Variants in HIPK4 observed in about 807,000 individuals in gnomAD.
HIPK4 encodes homeodomain-interacting protein kinase 4.
In HIPK4, 26 loss-of-function variants were observed where a neutral mutation model predicts 44.8. The observed-to-expected ratio is 0.58, with a 90% CI of 0.43 to 0.80. The LOEUF is 0.80. Ranked by LOEUF, HIPK4 falls within the 30% of genes least tolerant of loss-of-function variation. The pLI is 0.00. For missense variants in HIPK4, 729 were observed against 862.6 expected, an observed-to-expected ratio of 0.85 and a Z score of 1.94; for synonymous variants, 340 against 355.5, an observed-to-expected ratio of 0.96 and a Z score of 0.49.
In HIPK4 at chr19:40,380,501, G is replaced by C; in HGVS notation, c.1490C>G (p.Ser497Cys). 1.2e-6 allele frequency: 2 copies of C among 1,612,742 alleles called. No individual in the cohort carries two copies. The highest frequency in any genetic ancestry group is 1.7e-6 in the Non-Finnish European group (2 of 1,179,958). The change falls in exon 3 of 4, where the codon TCC (serine) becomes TGC (cysteine). Residue 497 changes from serine (S) to cysteine (C), a missense_variant. Coordinates refer to ENST00000291823, the MANE Select transcript of HIPK4 (RefSeq NM_144685.5). This position sits in a 1 kb window ranked among gnomAD's most constrained non-coding sequence, Gnocchi z 4.2. The stretch of plus-strand genomic sequence containing the variant: ...AATGAGGTTGCTGAAGTTGGAGTCG[G>C]ACTTGGAACCCGCAGGTGGCTTGCG... ...KARKPPAGSK[S>C]DSNFSNLIRL...
chr19:40,389,860 C>T lies in HIPK4; in HGVS notation c.43G>A (p.Glu15Lys), dbSNP rs377107606. The T allele has an allele frequency of 2.8e-5, 45 of 1,612,378 alleles. No homozygotes were observed. The highest frequency in any genetic ancestry group is 3.2e-5 in the Non-Finnish European group (38 of 1,180,020). The change falls in exon 1 of 4, where the codon GAG (glutamate) becomes AAG (lysine). Residue 15 changes from glutamate to lysine, a missense_variant. Physicochemically the swap from Glu to Lys is moderately conservative, Grantham distance 56. Coordinates refer to ENST00000291823, the MANE Select transcript of HIPK4 (RefSeq NM_144685.5). This position sits in a 1 kb window ranked among gnomAD's most constrained non-coding sequence, Gnocchi z 4.6. The part of the protein sequence containing the change: ...QSETDCYDII[E>K]VLGKGTFGEV... ...CCGAAGGTCCCCTTGCCCAAGACCT[C>T]GATGATGTCGTAGCAGTCAGTCTCC...
intron 1 of HIPK4, among the ~76,000 whole-genome samples, chr19:40,388,961 A>G (rs2079375122): frequency 6.6e-6 from 1 of 151,996 alleles, no homozygotes; most frequent in African/African-American, 2.4e-5. Context: ...AGGCAGGTGG[A>G]TCACAAGGTC....
In HIPK4 at chr19:40,380,977, G is replaced by A. The variant is rs985974580; in HGVS notation, c.1014C>T (p.Pro338=). The A allele has an allele frequency of 6.2e-7, 1 of 1,613,018 alleles. No individual in the cohort carries two copies. ...CGAAGGGGTGGCGCAGGGCAGCACT[G>A]GGGCTGATGCGTTCGTGTGACTCCC... is the stretch of plus-strand genomic sequence containing the variant. ...LTWESHERIS[P]SAALRHPFVS... Residue 338 remains proline, a synonymous_variant, in exon 3 of 4, where the codon CCC becomes CCT. Transcript: ENST00000291823. This position sits in a 1 kb window ranked among gnomAD's most constrained non-coding sequence, Gnocchi z 4.2.
chr19:40,383,748 C>T (rs761528252), intron 2 of HIPK4, 35 bp downstream of exon 2: 2 of 1,533,260 alleles, frequency 1.3e-6, no homozygotes, highest in Non-Finnish European at 1.8e-6. Context: ...GTAACAGCCC[C>T]CACACTGACT....
In HIPK4 at chr19:40,380,629, C is replaced by T; in HGVS notation, c.1362G>A (p.Met454Ile). Reference sequence around the variant, plus strand: ...CAGTGATGGCTGCCTTGAGGGGGACCATCATGTCGGAGACCGCATTGGTGC... The same window carrying T: ...CAGTGATGGCTGCCTTGAGGGGGACTATCATGTCGGAGACCGCATTGGTGC... Reference protein sequence around the residue: ...ETCTNAVSDMMVPLKAAITGH... With the variant: ...ETCTNAVSDMIVPLKAAITGH... The change falls in exon 3 of 4, where the codon ATG becomes ATA. Residue 454 changes from methionine (M) to isoleucine (I), a missense_variant. By Grantham distance (10) the Met-to-Ile change is conservative. This residue lies in a region of HIPK4 where 533 missense variants were observed against 567.5 expected (regional missense o/e 0.94). Transcript: ENST00000291823. This position sits in a 1 kb window ranked among gnomAD's most constrained non-coding sequence, Gnocchi z 4.2. 1.9e-6 allele frequency: 3 copies of T among 1,613,738 alleles called. No homozygotes were observed. The highest frequency in any genetic ancestry group is 1.7e-5 in the Admixed American group (1 of 60,032).
chr19:40,384,095 G>A lies in HIPK4; in HGVS notation c.510C>T (p.Tyr170=), dbSNP rs138984314. 244 of 1,602,432 alleles carry A rather than the reference G, an allele frequency of 1.5e-4. No individual in the cohort carries two copies. In the East Asian group the frequency reaches 3.3e-3, roughly 22 times the overall value. Reference sequence around the variant, plus strand: ...GCGACTGGATGTATGGCTCCTTCACGTAGCGCACCTCGCTGAAAATGCTGG... The same window carrying A: ...GCGACTGGATGTATGGCTCCTTCACATAGCGCACCTCGCTGAAAATGCTGG... ...GSASIFSEVR[Y]VKEPYIQSRF... Residue 170 remains tyrosine, a synonymous_variant, in exon 2 of 4, where the codon TAC becomes TAT. Coordinates refer to ENST00000291823, the MANE Select transcript of HIPK4 (RefSeq NM_144685.5).
At position 40,389,800 on chromosome 19, in the gene HIPK4, C is replaced by T. The variant is rs748573312; in HGVS notation, c.103G>A (p.Glu35Lys). The stretch of plus-strand genomic sequence containing the variant: ...TTGAGGATCTTGATGGCCACCATCT[C>T]GCCCGTGCTCCGCCGCCAGCCCTTG... ...VAKGWRRSTG[E>K]MVAIKILKND... Residue 35 changes from glutamate to lysine, a missense_variant, in exon 1 of 4, where the codon GAG becomes AAG. This residue lies in a region of HIPK4 where 196 missense variants were observed against 295.1 expected (regional missense o/e 0.66). Coordinates refer to ENST00000291823, the MANE Select transcript of HIPK4 (RefSeq NM_144685.5). This position sits in a 1 kb window ranked among gnomAD's most constrained non-coding sequence, Gnocchi z 4.6. 1.4e-5 allele frequency: 22 copies of T among 1,613,978 alleles called. No homozygotes were observed. The highest frequency in any genetic ancestry group is 1.6e-4 in the Middle Eastern group (1 of 6,084).
chr19:40,384,612 GTTT>G (rs71171565), intron 1 of HIPK4, among the ~76,000 whole-genome samples: 7 of 119,120 alleles, frequency 5.9e-5, no homozygotes, highest in Non-Finnish European at 5.3e-5. Context: ...GCCTTTGTTG[GTTT>G]TTTTTTTTTT....
Position 40,380,608 on chromosome 19 carries a change from G to T in HIPK4, c.1383C>A (p.Ile461=). Residue 461 remains isoleucine, a synonymous_variant, in exon 3 of 4, where the codon ATC becomes ATA. Transcript: ENST00000291823. This position sits in a 1 kb window ranked among gnomAD's most constrained non-coding sequence, Gnocchi z 4.2. ...CCGAGTCGGGCACATGGTGGCCAGT[G>T]ATGGCTGCCTTGAGGGGGACCATCA... ...SDMMVPLKAA[I]TGHHVPDSGP... is the part of the protein sequence containing the mutation. 1 of 1,613,396 alleles carries T rather than the reference G, an allele frequency of 6.2e-7. No individual in the cohort carries two copies. Among genetic ancestry groups the T allele is most frequent in the Non-Finnish European group, 8.5e-7 (1 of 1,179,936 alleles).
At chr19:40,385,847 A>G (rs1406092772) in intron 1 of HIPK4, among the ~76,000 whole-genome samples, 1 of 150,966 alleles carries the variant, frequency 6.6e-6, no homozygotes, top group African/African-American at 2.4e-5. Flanking sequence ...AGCTGGGATT[A>G]CAGGTGCACA....
chr19:40,379,627 C>T lies in HIPK4; in HGVS notation c.1811G>A (p.Gly604Glu), dbSNP rs762749547. ...GACATGCTGGAGGAAGCTGGTGGCCCCCCGGGGTGGACCATGCTGGTGGGA... is the reference window on the plus strand; with the variant it reads ...GACATGCTGGAGGAAGCTGGTGGCCTCCCGGGGTGGACCATGCTGGTGGGA... ...RRSHQHGPPR[G>E]ATSFLQHVTG... The change falls in exon 4 of 4, where the codon GGG becomes GAG. Residue 604 changes from glycine to glutamate, a missense_variant. Physicochemically the swap from Gly to Glu is moderately conservative, Grantham distance 98 (BLOSUM62 -2). Coordinates refer to ENST00000291823, the MANE Select transcript of HIPK4 (RefSeq NM_144685.5). 1.3e-6 allele frequency: 2 copies of T among 1,550,418 alleles called. No homozygotes were observed. The highest frequency in any genetic ancestry group is 2.4e-5 in the East Asian group (1 of 40,834).
Position 40,380,629 on chromosome 19 carries a change from C to G in HIPK4, c.1362G>C (p.Met454Ile). 6.2e-7 allele frequency: 1 copy of G among 1,613,738 alleles called. No individual in the cohort carries two copies. Reference sequence around the variant, plus strand: ...CAGTGATGGCTGCCTTGAGGGGGACCATCATGTCGGAGACCGCATTGGTGC... The same window carrying G: ...CAGTGATGGCTGCCTTGAGGGGGACGATCATGTCGGAGACCGCATTGGTGC... ...ETCTNAVSDM[M>I]VPLKAAITGH... Residue 454 changes from methionine (M) to isoleucine (I), a missense_variant, in exon 3 of 4, where the codon ATG (methionine) becomes ATC (isoleucine). Transcript: ENST00000291823. This position sits in a 1 kb window ranked among gnomAD's most constrained non-coding sequence, Gnocchi z 4.2.
Position 40,384,034 on chromosome 19 carries a change from G to A in HIPK4, c.571C>T (p.Pro191Ser). 6.2e-7 allele frequency: 1 copy of A among 1,613,992 alleles called. No homozygotes were observed. The highest frequency in any genetic ancestry group is 8.5e-7 in the Non-Finnish European group (1 of 1,179,886). ...CACACGTCCACCTTCTCGCAGAAGG[G>A]CAGCCCCAGCAGGATCTCAGGGGCC... ...YRAPEILLGL[P>S]FCEKVDVWSL... The change falls in exon 2 of 4, where the codon CCC becomes TCC. Residue 191 changes from proline to serine, a missense_variant. This residue lies in a region of HIPK4 where 196 missense variants were observed against 295.1 expected (regional missense o/e 0.66). Transcript: ENST00000291823.
chr19:40,389,940 C>T lies in HIPK4; in HGVS notation c.-38G>A, dbSNP rs2079381305. On this transcript the variant is annotated 5_prime_UTR_variant, in exon 1 of 4. Transcript: ENST00000291823. This position sits in a 1 kb window ranked among gnomAD's most constrained non-coding sequence, Gnocchi z 4.6. The stretch of plus-strand genomic sequence containing the variant: ...GCCAGACACCGCCCTGCCCAGGCCC[C>T]TGTACCACTGGCTCTGCCGCCCAGG... The T allele has an allele frequency of 3.9e-6, 6 of 1,530,102 alleles. No individual in the cohort carries two copies. The highest frequency in any genetic ancestry group is 2.7e-5 in the African/African-American group (2 of 73,394). 94.8% of individuals were successfully genotyped at this position (1,530,102 alleles called of 1,614,324 possible).
intron 2 of HIPK4, among the ~76,000 whole-genome samples, chr19:40,381,874 C>T (rs538663002): frequency 4.6e-4 from 65 of 140,480 alleles, no homozygotes; most frequent in African/African-American, 1.6e-3. Context: ...GGTACAATCT[C>T]GGCTCACTGC....
In HIPK4 at chr19:40,383,872, C is replaced by T; in HGVS notation, c.733G>A (p.Ala245Thr). Reference sequence around the variant, plus strand: ...GGGTTGCGCTTGAAGAAGTGGTGGGCCTTGCAGGCGGCGTGCAACAGGTGT... The same window carrying T: ...GGGTTGCGCTTGAAGAAGTGGTGGGTCTTGCAGGCGGCGTGCAACAGGTGT... ...KPHLLHAACK[A>T]HHFFKRNPHP... Residue 245 changes from alanine to threonine, a missense_variant, in exon 2 of 4, where the codon GCC (alanine) becomes ACC (threonine). Ala to Thr is a moderately conservative substitution (Grantham distance 58, BLOSUM62 0). Coordinates refer to ENST00000291823, the MANE Select transcript of HIPK4 (RefSeq NM_144685.5). The T allele has an allele frequency of 6.2e-7, 1 of 1,614,166 alleles. No individual in the cohort carries two copies. The highest frequency in any genetic ancestry group is 8.5e-7 in the Non-Finnish European group (1 of 1,180,032).
chr19:40,388,915 G>A (rs2079374935), intron 1 of HIPK4, among the ~76,000 whole-genome samples: 1 of 152,234 alleles, frequency 6.6e-6, no homozygotes, highest in Admixed American at 6.5e-5. Flanking sequence ...TGGGCGTGGT[G>A]GCTCACGCCT....
rs754639958 is a variant in HIPK4 at position 40,389,629 on chromosome 19, G to T, written c.274C>A (p.Leu92Met). Residue 92 changes from leucine (L) to methionine (M), a missense_variant, in exon 1 of 4, where the codon CTG becomes ATG. By Grantham distance (15) the Leu-to-Met change is conservative. Transcript: ENST00000291823. The surrounding 1 kb of genome is among the most constrained non-coding windows in gnomAD (Gnocchi z 4.6). Reference protein sequence around the residue: ...ALKFYLVFELLEQNLFEFQKE... With the variant: ...ALKFYLVFELMEQNLFEFQKE... ...TGGAACTCGAAAAGGTTTTGCTCCA[G>T]CAGCTCAAAGACCAGGTAGAACTTG... 6.2e-7 allele frequency: 1 copy of T among 1,614,180 alleles called. No homozygotes were observed. The highest frequency in any genetic ancestry group is 2.2e-5 in the East Asian group (1 of 44,880).
At position 40,380,513 on chromosome 19, in the gene HIPK4, G is replaced by A. The variant is rs372245283; in HGVS notation, c.1478C>T (p.Ala493Val). The change falls in exon 3 of 4, where the codon GCG becomes GTG. Residue 493 changes from alanine (A) to valine (V), a missense_variant. Physicochemically the swap from Ala to Val is moderately conservative, Grantham distance 64. Around this residue, in one of 2 missense-constraint regions of HIPK4, gnomAD observed 533 missense variants for 567.5 expected, o/e 0.94. Coordinates refer to ENST00000291823, the MANE Select transcript of HIPK4 (RefSeq NM_144685.5). This position sits in a 1 kb window ranked among gnomAD's most constrained non-coding sequence, Gnocchi z 4.2. ...GAAGTTGGAGTCGGACTTGGAACCC[G>A]CAGGTGGCTTGCGGGCCTTGTGGCG... ...AGRHKARKPPAGSKSDSNFSN... is the reference protein window; with the variant it reads ...AGRHKARKPPVGSKSDSNFSN... 98 of 1,612,332 alleles carry A rather than the reference G, an allele frequency of 6.1e-5. No homozygotes were observed. The highest frequency in any genetic ancestry group is 7.5e-5 in the Non-Finnish European group (88 of 1,179,932).
Sources: allele counts gnomAD v4.1 joint callset (sites outside exome capture counted in the v4.1 genomes callset), GRCh38; gene constraint gnomAD v4.1.1; regional missense constraint gnomAD v4.1.1; non-coding constraint Gnocchi (gnomAD v3.1); transcripts MANE v1.5; gene names NCBI Gene and HGNC (gene_info 2026-07-23, HGNC 2026-07-21).